CA10: variants seen among roughly 807,000 people sequenced by gnomAD.
CA10 encodes carbonic anhydrase 10 (inactive), also known as carbonic anhydrase-related protein 10.
In CA10, 14 loss-of-function variants were observed where a neutral mutation model predicts 44.2. That is an observed-to-expected ratio of 0.32 (90% confidence interval 0.21 to 0.50). The LOEUF is 0.50. Among genes scored for constraint, CA10 ranks in the 20% least tolerant of loss-of-function variants. The probability of loss-of-function intolerance (pLI) is 0.99; values close to 1 mark genes in which losing one functional copy is unlikely to be tolerated. For synonymous variants in CA10, 159 were observed against 141.6 expected (o/e 1.12, Z -0.87); for missense variants, 350 against 409.7 (o/e 0.85, Z 1.26).
intron 2 of CA10, among the ~76,000 whole-genome samples, chr17:51,965,477 G>A (rs1029210097): frequency 3.3e-5 from 5 of 151,476 alleles, no homozygotes; most frequent in African/African-American, 4.8e-5. Flanking sequence ...CTAGCAAATC[G>A]AATCCAGCAG....
At chr17:51,687,954 G>A (rs1915061377) in intron 4 of CA10, among the ~76,000 whole-genome samples, 1 of 152,284 alleles carries the variant, frequency 6.6e-6, no homozygotes, top group Admixed American at 6.5e-5. Flanking sequence ...GAGTTGAACT[G>A]TGAAACCAAC....
chr17:51,953,174 A>C (rs914653581), intron 2 of CA10, among the ~76,000 whole-genome samples: 4 of 152,154 alleles, frequency 2.6e-5, no homozygotes, highest in Admixed American at 1.3e-4. Flanking sequence ...TTTACATTGA[A>C]ATATTTGCTC....
intron 3 of CA10, among the ~76,000 whole-genome samples, chr17:51,833,272 C>A (rs542869035): frequency 1.1e-3 from 165 of 152,268 alleles, no homozygotes; most frequent in Admixed American, 1.8e-3. Flanking sequence ...AATGTCACCA[C>A]CCTGGAGGCC....
chr17:52,104,268 G>A (rs1426265249), intron 1 of CA10, among the ~76,000 whole-genome samples: 1 of 150,616 alleles, frequency 6.6e-6, no homozygotes, highest in Non-Finnish European at 1.5e-5. Flanking sequence ...CACAATCTCT[G>A]CTCACTGCAA....
chr17:51,972,320 G>C (rs1315049844), intron 2 of CA10, among the ~76,000 whole-genome samples: 3 of 148,652 alleles, frequency 2.0e-5, no homozygotes, highest in African/African-American at 7.5e-5. Context: ...TAATATTCAT[G>C]AGTCCTCAAT....
At chr17:51,890,578 C>T (rs1241866524) in intron 3 of CA10, among the ~76,000 whole-genome samples, 1 of 151,592 alleles carries the variant, frequency 6.6e-6, no homozygotes, top group Non-Finnish European at 1.5e-5. Flanking sequence ...TTTTAGTTAC[C>T]ACACATCTCT....
intron 5 of CA10, among the ~76,000 whole-genome samples, chr17:51,651,823 GCAGGCAGGAT>G (rs1913578319): frequency 6.6e-6 from 1 of 152,200 alleles, no homozygotes; most frequent in South Asian, 2.1e-4. Context: ...AATTGCTGGG[GCAGGCAGGAT>G]TTGTGCTGGG....
chr17:51,656,156 A>G (rs1913784990), intron 4 of CA10, among the ~76,000 whole-genome samples: 1 of 152,202 alleles, frequency 6.6e-6, no homozygotes, highest in African/African-American at 2.4e-5. Context: ...TGACCAACAA[A>G]ACTGCCAGGG....
At chr17:51,797,266 T>C (rs1233788391) in intron 3 of CA10, among the ~76,000 whole-genome samples, 1 of 152,194 alleles carries the variant, frequency 6.6e-6, no homozygotes, top group African/African-American at 2.4e-5. Context: ...CACAGTACAG[T>C]GTGCTGCTGT....
intron 6 of CA10, 88 bp downstream of exon 6, chr17:51,649,094 A>G (rs551055412): frequency 1.0e-5 from 9 of 870,970 alleles, no homozygotes; most frequent in African/African-American, 1.0e-4. Flanking sequence ...AAAAGGGCCC[A>G]TGGAGATCAT....
At chr17:51,675,081 G>A (rs571099242) in intron 4 of CA10, among the ~76,000 whole-genome samples, 106 of 152,298 alleles carry the variant, frequency 7.0e-4, no homozygotes, top group Middle Eastern at 3.4e-3. Context: ...AAGGCTGTGC[G>A]CTCCTTTGTA....
At chr17:51,645,152 C>T (rs2143252107) in intron 6 of CA10, among the ~76,000 whole-genome samples, 1 of 152,188 alleles carries the variant, frequency 6.6e-6, no homozygotes, top group Non-Finnish European at 1.5e-5. Context: ...CCTGCCAATC[C>T]CCATCAGCCC....
intron 3 of CA10, among the ~76,000 whole-genome samples, chr17:51,862,634 G>C (rs1014881539): frequency 1.3e-5 from 2 of 152,108 alleles, no homozygotes; most frequent in Non-Finnish European, 2.9e-5. Flanking sequence ...ACCATAGACT[G>C]AGTGGTTTAA....
In CA10 at chr17:51,876,851, A is replaced by G. The variant is rs549870159; in HGVS notation, c.279+54139T>C. ...TTGCATTCCCCCAGCTATGCCTGAG[A>G]GCTCCAATTGTTCTGTATCTTTGTG... is the stretch of plus-strand genomic sequence containing the variant. On this transcript the variant is annotated intron_variant, in intron 3 of 8. Transcript: ENST00000451037. Among the ~76,000 whole-genome samples, 214 of 152,240 alleles carry G rather than the reference A, an allele frequency of 1.4e-3. 1 individual carries two copies. The highest frequency in any genetic ancestry group is 6.2e-4 in the South Asian group (3 of 4,814).
chr17:52,026,356 A>C (rs1986301299), intron 2 of CA10, among the ~76,000 whole-genome samples: 1 of 152,134 alleles, frequency 6.6e-6, no homozygotes, highest in African/African-American at 2.4e-5. Flanking sequence ...CCTCTCTCAT[A>C]CAACTCCCAT....
intron 4 of CA10, among the ~76,000 whole-genome samples, chr17:51,728,077 A>G (rs1916589364): frequency 6.6e-6 from 1 of 152,084 alleles, no homozygotes; most frequent in African/African-American, 2.4e-5. Context: ...TGTTTGGTAG[A>G]GACAAGGTCT....
chr17:52,038,706 C>G (rs1986685203), intron 2 of CA10, among the ~76,000 whole-genome samples: 1 of 152,106 alleles, frequency 6.6e-6, no homozygotes, highest in Non-Finnish European at 1.5e-5. Flanking sequence ...AGGCATTTTG[C>G]AAAACTGGAA....
chr17:51,893,552 TG>T (rs1555609663), intron 3 of CA10, among the ~76,000 whole-genome samples: 7 of 152,156 alleles, frequency 4.6e-5, no homozygotes, highest in Non-Finnish European at 8.8e-5. Flanking sequence ...CTAAGGTCCA[TG>T]GAAATGAATT....
Position 51,880,944 on chromosome 17 carries a change from A to G in CA10, c.279+50046T>C, listed in dbSNP as rs560650351. Reference sequence around the variant, plus strand: ...ATTTAATATATTGAGTAATTAGAAAAAAGTTTTATCGGCCGGGCGCGGGTG... The same window carrying G: ...ATTTAATATATTGAGTAATTAGAAAGAAGTTTTATCGGCCGGGCGCGGGTG... On this transcript the variant is annotated intron_variant, in intron 3 of 8. Coordinates refer to ENST00000451037, the MANE Select transcript of CA10 (RefSeq NM_020178.5). 1.4e-4 allele frequency among the ~76,000 whole-genome samples: 9 copies of G among 65,070 alleles called. No homozygotes were observed. In the East Asian group the frequency reaches 1.8e-3, roughly 13 times the overall value. The allele number at this position is 65,070 out of a possible 152,430, so 42.7% of individuals were successfully genotyped here.
Sources: gnomAD v4.1 joint callset for allele counts (sites outside exome capture counted in the v4.1 genomes callset) on GRCh38, gnomAD v4.1.1 for gene constraint, MANE v1.5 for transcripts, NCBI Gene and HGNC (gene_info 2026-07-23, HGNC 2026-07-21) for gene names.